The following EIF4G3 variants were observed in gnomAD, a reference collection of about 807,000 sequenced individuals.
EIF4G3 encodes eIF-4-gamma 3.
In EIF4G3, 34 loss-of-function variants were observed where a neutral mutation model predicts 186.4. The ratio of observed to expected loss-of-function variants is 0.18; its 90% CI spans 0.14 to 0.24. EIF4G3 has a LOEUF of 0.24. Ranked by LOEUF, EIF4G3 falls within the 10% of genes least tolerant of loss-of-function variation. EIF4G3 has a pLI of 1.00. For missense variants in EIF4G3, 1,536 were observed against 1,948.5 expected (o/e 0.79, Z 3.99); for synonymous variants, 673 against 679.5 (o/e 0.99, Z 0.15).
At chr1:21,016,044 A>C (rs1186492953) in intron 4 of EIF4G3, among the ~76,000 whole-genome samples, 1 of 152,184 alleles carries the variant, frequency 6.6e-6, no homozygotes, top group Admixed American at 6.5e-5. Context: ...ATTTTGGTTC[A>C]TAAGTCCAGT....
chr1:20,907,148 C>A (rs2092333263), intron 14 of EIF4G3, among the ~76,000 whole-genome samples: 1 of 152,068 alleles, frequency 6.6e-6, no homozygotes, highest in Admixed American at 6.6e-5. Context: ...AATAGCAGTT[C>A]TAGGCAAAGG....
chr1:21,099,210 T>A (rs1247698206), intron 2 of EIF4G3, among the ~76,000 whole-genome samples: 1 of 152,174 alleles, frequency 6.6e-6, no homozygotes, highest in Non-Finnish European at 1.5e-5. Flanking sequence ...GTTTGGCAGT[T>A]TCTTATAAAA....
intron 19 of EIF4G3, among the ~76,000 whole-genome samples, chr1:20,884,550 C>A (rs1399989129): frequency 6.6e-6 from 1 of 152,200 alleles, no homozygotes; most frequent in Non-Finnish European, 1.5e-5. Context: ...TTAAGCATTT[C>A]TCACGGAGAT....
chr1:21,011,407 T>C (rs2087039713), intron 4 of EIF4G3, among the ~76,000 whole-genome samples: 1 of 152,162 alleles, frequency 6.6e-6, no homozygotes, highest in Non-Finnish European at 1.5e-5. Context: ...CCATATACTC[T>C]TCATCTAGTT....
chr1:20,841,898 G>C (rs2068725852), intron 29 of EIF4G3, among the ~76,000 whole-genome samples: 1 of 152,020 alleles, frequency 6.6e-6, no homozygotes, highest in Non-Finnish European at 1.5e-5. Flanking sequence ...GATGTAGGTA[G>C]GAAGGGGGAG....
intron 2 of EIF4G3, among the ~76,000 whole-genome samples, chr1:21,167,591 C>T (rs1365723620): frequency 3.9e-5 from 6 of 152,148 alleles, no homozygotes; most frequent in Admixed American, 2.6e-4. Flanking sequence ...AACCCTGCCT[C>T]AACTAAAAAT....
chr1:21,007,190 G>A (rs1427500419), intron 4 of EIF4G3, among the ~76,000 whole-genome samples: 2 of 152,044 alleles, frequency 1.3e-5, no homozygotes, highest in African/African-American at 4.8e-5. Flanking sequence ...CTGAGGTCAG[G>A]AGCTCGAGAC....
In EIF4G3 at chr1:20,817,459, T is replaced by C. The variant is rs1021944126; in HGVS notation, c.4448A>G (p.Tyr1483Cys). 1 of 1,609,846 alleles carries C rather than the reference T, an allele frequency of 6.2e-7. No individual in the cohort carries two copies. The highest frequency in any genetic ancestry group is 8.5e-7 in the Non-Finnish European group (1 of 1,177,642). The stretch of plus-strand genomic sequence containing the variant: ...AATAATGAGTTTCTCGAGTCGCTTA[T>C]ACAGCTCTTCGGCAGACAGTTCTTT... Reference protein sequence around the residue: ...SKKELSAEELYKRLEKLIIED... With the variant: ...SKKELSAEELCKRLEKLIIED... Residue 1483 changes from tyrosine (Y) to cysteine (C), a missense_variant, in exon 34 of 37, where the codon TAT becomes TGT. Around this residue, in one of 11 missense-constraint regions of EIF4G3, gnomAD observed 395 missense variants for 498.9 expected, o/e 0.79. Transcript: ENST00000602326.
chr1:20,997,064 T>C (rs1454701103), intron 7 of EIF4G3, among the ~76,000 whole-genome samples: 3 of 152,164 alleles, frequency 2.0e-5, no homozygotes, highest in East Asian at 1.9e-4. Context: ...AATTAAGATA[T>C]CTATTTTCTA....
chr1:20,859,946 CTTCT>C (rs1557957765), intron 24 of EIF4G3, among the ~76,000 whole-genome samples: 1 of 152,208 alleles, frequency 6.6e-6, no homozygotes, highest in Non-Finnish European at 1.5e-5. Flanking sequence ...TTCTGTCTCT[CTTCT>C]TTTTCTCTAA....
At chr1:21,083,790 T>C (rs1458959313) in intron 3 of EIF4G3, among the ~76,000 whole-genome samples, 1 of 152,232 alleles carries the variant, frequency 6.6e-6, no homozygotes, top group Non-Finnish European at 1.5e-5. Flanking sequence ...TTGGATGATC[T>C]ATTCTCCAAA....
At chr1:21,138,118 A>C (rs1249144436) in intron 2 of EIF4G3, among the ~76,000 whole-genome samples, 2 of 152,192 alleles carry the variant, frequency 1.3e-5, no homozygotes, top group Non-Finnish European at 2.9e-5. Context: ...CAGTTCATCA[A>C]AGTCAGACCA....
intron 2 of EIF4G3, among the ~76,000 whole-genome samples, chr1:21,142,346 A>T (rs2097355154): frequency 1.3e-5 from 2 of 151,608 alleles, no homozygotes; most frequent in African/African-American, 2.4e-5. Flanking sequence ...CAAAAAAAAA[A>T]AATACAAAAA....
Position 20,867,520 on chromosome 1 carries a change from G to A in EIF4G3, c.2623-2258C>T, listed in dbSNP as rs1342855776. Reference sequence around the variant, plus strand: ...TTCCCCAAACCTCTATTTCAAAAATGGGGTGAGGTATTATACCTATCTCTT... The same window carrying A: ...TTCCCCAAACCTCTATTTCAAAAATAGGGTGAGGTATTATACCTATCTCTT... On this transcript the variant is annotated intron_variant, in intron 20 of 36. Coordinates refer to ENST00000602326, the MANE Select transcript of EIF4G3 (RefSeq NM_001391906.1). Among the ~76,000 whole-genome samples, 3 of 152,114 alleles carry A rather than the reference G, an allele frequency of 2.0e-5. No individual in the cohort carries two copies. In the East Asian group the frequency reaches 5.8e-4, roughly 29 times the overall value.
intron 3 of EIF4G3, among the ~76,000 whole-genome samples, chr1:21,084,668 C>T (rs2095901586): frequency 1.3e-5 from 2 of 152,148 alleles, no homozygotes; most frequent in Admixed American, 6.5e-5. Context: ...TATCTCTGGG[C>T]CTCTGCACTG....
chr1:20,978,138 C>A (rs1483831180), intron 10 of EIF4G3, among the ~76,000 whole-genome samples: 1 of 151,968 alleles, frequency 6.6e-6, no homozygotes, highest in Non-Finnish European at 1.5e-5. Context: ...TTGTTACTCT[C>A]AAAAATAATT....
chr1:20,811,715 A>G (rs2059278309), intron 35 of EIF4G3, among the ~76,000 whole-genome samples: 1 of 152,252 alleles, frequency 6.6e-6, no homozygotes, highest in Non-Finnish European at 1.5e-5. Context: ...TAGATATGTT[A>G]ATTAATTTGA....
intron 19 of EIF4G3, among the ~76,000 whole-genome samples, chr1:20,884,949 G>A (rs2083616829): frequency 6.6e-6 from 1 of 152,130 alleles, no homozygotes; most frequent in Non-Finnish European, 1.5e-5. Context: ...AGAGGAAAGT[G>A]GTTTTTAGGA....
chr1:21,095,199 C>G (rs1489020842), intron 2 of EIF4G3, among the ~76,000 whole-genome samples: 1 of 152,120 alleles, frequency 6.6e-6, no homozygotes, highest in Non-Finnish European at 1.5e-5. Flanking sequence ...AACTTCTACC[C>G]TTCTGTCCAG....
Sources: allele counts gnomAD v4.1 joint callset (sites outside exome capture counted in the v4.1 genomes callset), GRCh38; gene constraint gnomAD v4.1.1; regional missense constraint gnomAD v4.1.1; transcripts MANE v1.5; gene names NCBI Gene and HGNC (gene_info 2026-07-23, HGNC 2026-07-21).